The following ST7 variants were observed in gnomAD, a reference collection of about 807,000 sequenced individuals.
ST7 encodes suppressor of tumorigenicity 7 protein.
Under a neutral mutation model 78.7 loss-of-function variants are expected in ST7, and 28 were observed. The observed-to-expected ratio is 0.36, with a 90% CI of 0.26 to 0.49. ST7 has a LOEUF of 0.49. Among genes scored for constraint, ST7 ranks in the 20% least tolerant of loss-of-function variants. The pLI is 0.99. For synonymous variants in ST7, 247 were observed against 249.6 expected (o/e 0.99, Z 0.10); for missense variants, 418 against 696.0 (o/e 0.60, Z 4.49).
intron 9 of ST7, among the ~76,000 whole-genome samples, chr7:117,156,869 G>T (rs116970029): frequency 6.6e-6 from 1 of 152,154 alleles, no homozygotes; most frequent in Non-Finnish European, 1.5e-5. Context: ...TGAGATAACC[G>T]GAGAGCAGTA....
intron 1 of ST7, chr7:116,959,632 C>A (rs186256440): frequency 2.4e-5 from 4 of 165,314 alleles, no homozygotes; most frequent in Non-Finnish European, 5.2e-5. Flanking sequence ...GTTACAAGAT[C>A]TTATATATTC....
intron 1 of ST7, among the ~76,000 whole-genome samples, chr7:116,991,846 C>A (rs997475897): frequency 6.6e-6 from 1 of 152,170 alleles, no homozygotes; most frequent in Admixed American, 6.5e-5. Flanking sequence ...AAGCTAATTA[C>A]GTCCTAGTAC....
intron 1 of ST7, among the ~76,000 whole-genome samples, chr7:116,958,932 G>T (rs1792677432): frequency 6.6e-6 from 1 of 152,166 alleles, no homozygotes; most frequent in African/African-American, 2.4e-5. Flanking sequence ...GTTGTTAAAG[G>T]TTGGGGTAGC....
chr7:116,981,173 A>T (rs1793942096), intron 1 of ST7, among the ~76,000 whole-genome samples: 1 of 151,702 alleles, frequency 6.6e-6, no homozygotes, highest in African/African-American at 2.4e-5. Context: ...CAGTGGTGTG[A>T]TCATGGCTCA....
intron 12 of ST7, 68 bp from the exon 13 acceptor site, chr7:117,209,719 C>A: frequency 6.5e-7 from 1 of 1,543,670 alleles, no homozygotes; most frequent in Non-Finnish European, 8.7e-7. Context: ...ATCAACTGCT[C>A]TATTTTCAAT....
chr7:117,207,534 G>C (rs911372863), intron 12 of ST7, among the ~76,000 whole-genome samples: 1 of 152,184 alleles, frequency 6.6e-6, no homozygotes, highest in Non-Finnish European at 1.5e-5. Flanking sequence ...TAGGCTAAGA[G>C]AAGAGTTCTT....
chr7:117,182,551 A>G (rs184115915), intron 10 of ST7: 2 of 152,324 alleles, frequency 1.3e-5, no homozygotes, highest in African/African-American at 4.8e-5. Flanking sequence ...CATGGCTTAC[A>G]TAAAAGGGAG....
At position 117,102,755 on chromosome 7, in the gene ST7, A is replaced by G. The variant is rs138029112; in HGVS notation, c.234+2911A>G. 1.6e-3 allele frequency among the ~76,000 whole-genome samples: 241 copies of G among 152,234 alleles called. 1 individual carries two copies. The highest frequency in any genetic ancestry group is 5.7e-3 in the African/African-American group (237 of 41,550). ...GAGATCAGTTTCAGTGAGATAGGTG[A>G]TAGAAGAGAAAACCATGAAAAAGGA... is the stretch of plus-strand genomic sequence containing the variant. On this transcript the variant is annotated intron_variant, in intron 2 of 15. Transcript: ENST00000323984.
chr7:117,141,259 A>G (rs1024943632), intron 9 of ST7, among the ~76,000 whole-genome samples: 1 of 152,194 alleles, frequency 6.6e-6, no homozygotes, highest in Non-Finnish European at 1.5e-5. Flanking sequence ...TAGAAATGTC[A>G]GTTAGAATGC....
intron 9 of ST7, among the ~76,000 whole-genome samples, chr7:117,160,227 T>A (rs1197799175): frequency 7.0e-6 from 1 of 142,162 alleles, no homozygotes; most frequent in Non-Finnish European, 1.5e-5. Flanking sequence ...AGTGAAACTG[T>A]GTCTCAAAAA....
At chr7:117,201,192 G>T (rs926879499) in intron 12 of ST7, among the ~76,000 whole-genome samples, 8 of 152,068 alleles carry the variant, frequency 5.3e-5, no homozygotes, top group African/African-American at 1.9e-4. Context: ...ATATTATTTC[G>T]ATATAAGTTT....
At chr7:117,152,245 CT>C (rs1339830146) in intron 9 of ST7, among the ~76,000 whole-genome samples, 1 of 111,966 alleles carries the variant, frequency 8.9e-6, no homozygotes, top group Non-Finnish European at 1.8e-5. Context: ...TCTTTAGTTT[CT>C]TTAGTGAACA....
intron 1 of ST7, among the ~76,000 whole-genome samples, chr7:117,076,838 A>C (rs1584583919): frequency 6.6e-6 from 1 of 152,148 alleles, no homozygotes; most frequent in Non-Finnish European, 1.5e-5. Context: ...AGGGCCCTCC[A>C]CCCTTTCACA....
At chr7:117,133,433 T>C (rs551764375) in intron 6 of ST7, among the ~76,000 whole-genome samples, 35 of 152,032 alleles carry the variant, frequency 2.3e-4, no homozygotes, top group African/African-American at 8.2e-4. Context: ...TTCTTCTCCC[T>C]TTTTCAGTCT....
intron 2 of ST7, among the ~76,000 whole-genome samples, chr7:117,115,568 G>A (rs575175815): frequency 5.1e-4 from 77 of 152,148 alleles, no homozygotes; most frequent in African/African-American, 1.8e-3. Context: ...TGGCCAGGCT[G>A]GTCTCGAACT....
At chr7:117,170,396 A>T (rs1315544375) in intron 9 of ST7, among the ~76,000 whole-genome samples, 1 of 152,268 alleles carries the variant, frequency 6.6e-6, no homozygotes, top group African/African-American at 2.4e-5. Context: ...AATACAATTC[A>T]GTATTATACT....
intron 9 of ST7, among the ~76,000 whole-genome samples, chr7:117,163,778 G>C (rs1394983466): frequency 6.6e-6 from 1 of 152,100 alleles, no homozygotes; most frequent in African/African-American, 2.4e-5. Context: ...CTGTGCGGAA[G>C]TTTTATTTAT....
intron 2 of ST7, chr7:117,117,797 GTGT>G (rs1803006563): frequency 6.6e-6 from 1 of 152,160 alleles, no homozygotes; most frequent in East Asian, 1.9e-4. Flanking sequence ...ACCGACTTAG[GTGT>G]TTTACATGGG....
chr7:117,050,965 G>C (rs1797762220), intron 1 of ST7, among the ~76,000 whole-genome samples: 1 of 151,508 alleles, frequency 6.6e-6, no homozygotes, highest in Admixed American at 6.6e-5. Context: ...ATATTTTCAG[G>C]CTATGCGGTT....
Sources: allele counts gnomAD v4.1 joint callset (sites outside exome capture counted in the v4.1 genomes callset), GRCh38; gene constraint gnomAD v4.1.1; transcripts MANE v1.5; gene names NCBI Gene and HGNC (gene_info 2026-07-23, HGNC 2026-07-21).